Variants in SEMA3A observed in about 807,000 individuals in gnomAD.
SEMA3A encodes semaphorin-3A.
Under a neutral mutation model 97.9 loss-of-function variants are expected in SEMA3A, and 29 were observed. The observed-to-expected ratio is 0.30, with a 90% CI of 0.22 to 0.40. The LOEUF (loss-of-function observed/expected upper bound fraction) is 0.40, where lower values mean the gene tolerates loss of function less well. Among genes scored for constraint, SEMA3A ranks in the 10% least tolerant of loss-of-function variants. The pLI is 1.00. For synonymous variants in SEMA3A, 321 were observed against 323.7 expected (o/e 0.99, Z 0.09); for missense variants, 763 against 951.3 (o/e 0.80, Z 2.60).
In SEMA3A at chr7:84,096,457, C is replaced by T. The variant is rs1162946679; in HGVS notation, c.453+14013G>A. Among the ~76,000 whole-genome samples, 12 of 151,984 alleles carry T rather than the reference C, an allele frequency of 7.9e-5. 1 individual carries two copies. Among genetic ancestry groups the T allele is most frequent in the East Asian group, 1.9e-4 (1 of 5,172 alleles). On this transcript the variant is annotated intron_variant, in intron 4 of 16. Coordinates refer to ENST00000265362, the MANE Select transcript of SEMA3A (RefSeq NM_006080.3). The stretch of plus-strand genomic sequence containing the variant: ...ACCATATATTGTTGAGCTTTGTGTT[C>T]AGTATAGCATTAAGCATAAGTAGTT...
At chr7:84,035,997 C>A (rs765572062) in intron 6 of SEMA3A, among the ~76,000 whole-genome samples, 1 of 152,004 alleles carries the variant, frequency 6.6e-6, no homozygotes, top group Non-Finnish European at 1.5e-5. Context: ...TTGTTTTGAA[C>A]TCTCTTCTAC....
intron 15 of SEMA3A, among the ~76,000 whole-genome samples, chr7:83,968,838 T>TA (rs1788816430): frequency 7.4e-6 from 1 of 134,764 alleles, no homozygotes; most frequent in Admixed American, 8.2e-5. Context: ...GGAGAAAGAG[T>TA]CTCACTCTCT....
At chr7:84,076,351 A>G (rs1562761044) in intron 4 of SEMA3A, among the ~76,000 whole-genome samples, 1 of 152,134 alleles carries the variant, frequency 6.6e-6, no homozygotes, top group Non-Finnish European at 1.5e-5. Flanking sequence ...GCAAAGAGAC[A>G]GAAACCAAGT....
chr7:84,443,876 T>C (rs1231778008), intron 1 of SEMA3A, among the ~76,000 whole-genome samples: 1 of 144,626 alleles, frequency 6.9e-6, no homozygotes, highest in Non-Finnish European at 1.5e-5. Context: ...GATTGTGCTT[T>C]GTCCTTTTTT....
chr7:84,395,771 T>C (rs1311577326), intron 1 of SEMA3A, among the ~76,000 whole-genome samples: 3 of 152,132 alleles, frequency 2.0e-5, no homozygotes, highest in Admixed American at 1.3e-4. Context: ...GCCATGATTG[T>C]AAGTTTCCTG....
intron 3 of SEMA3A, among the ~76,000 whole-genome samples, chr7:84,217,956 G>C (rs1462818172): frequency 6.6e-6 from 1 of 151,760 alleles, no homozygotes; most frequent in Admixed American, 6.6e-5. Context: ...GTGTTGGTAT[G>C]CACCTGTAGT....
At chr7:84,026,962 T>C (rs1180702168) in intron 6 of SEMA3A, among the ~76,000 whole-genome samples, 1 of 151,950 alleles carries the variant, frequency 6.6e-6, no homozygotes, top group Non-Finnish European at 1.5e-5. Context: ...AGTTTACCTA[T>C]AAAGCAAACC....
rs567362404 is a variant in SEMA3A at position 84,349,807 on chromosome 7, T to C, written c.-169+22017A>G. On this transcript the variant is annotated intron_variant, in intron 2 of 3. Transcript: ENST00000424555. ...TTGTCTTAGAATAAGTTATAGGTCTTTTTTTTCCACTTTTTCAGTATAATC... is the reference window on the plus strand; with the variant it reads ...TTGTCTTAGAATAAGTTATAGGTCTCTTTTTTCCACTTTTTCAGTATAATC... Among the ~76,000 whole-genome samples the C allele has an allele frequency of 2.0e-5, 3 of 152,272 alleles. No homozygotes were observed. In the East Asian group the frequency reaches 5.8e-4, roughly 29 times the overall value.
chr7:84,464,673 G>T (rs1231959235), intron 1 of SEMA3A, among the ~76,000 whole-genome samples: 1 of 152,112 alleles, frequency 6.6e-6, no homozygotes, highest in African/African-American at 2.4e-5. Flanking sequence ...AATATGATCT[G>T]TATTTTGTTT....
At chr7:84,323,387 C>A (rs978693384) in intron 2 of SEMA3A, among the ~76,000 whole-genome samples, 4 of 152,072 alleles carry the variant, frequency 2.6e-5, no homozygotes, top group African/African-American at 9.7e-5. Flanking sequence ...TCACTAATCA[C>A]TACATAATCA....
At chr7:83,981,625 G>T in intron 13 of SEMA3A, 147 bp from the exon 14 acceptor site, 1 of 658,320 alleles carries the variant, frequency 1.5e-6, no homozygotes, top group Non-Finnish European at 2.4e-6. Flanking sequence ...TTTCTTTAAA[G>T]GCCTTCTAGA....
chr7:84,241,525 A>G (rs1799364714), intron 3 of SEMA3A, among the ~76,000 whole-genome samples: 1 of 152,108 alleles, frequency 6.6e-6, no homozygotes, highest in African/African-American at 2.4e-5. Context: ...AGATGGATAG[A>G]TCGCAAAAAT....
chr7:84,386,826 C>G (rs1027076842), intron 1 of SEMA3A, among the ~76,000 whole-genome samples: 4 of 151,940 alleles, frequency 2.6e-5, no homozygotes. Context: ...ATGGCGAAAC[C>G]CTGTCTCTAC....
At chr7:84,106,402 G>A (rs1032084071) in intron 4 of SEMA3A, among the ~76,000 whole-genome samples, 3 of 152,082 alleles carry the variant, frequency 2.0e-5, no homozygotes, top group African/African-American at 4.8e-5. Flanking sequence ...GCTCCACCAT[G>A]TAGCCTAGGT....
intron 1 of SEMA3A, among the ~76,000 whole-genome samples, chr7:84,480,623 C>T (rs1806420121): frequency 6.6e-6 from 1 of 152,160 alleles, no homozygotes; most frequent in South Asian, 2.1e-4. Context: ...TGAAGGGCCC[C>T]TTAGCTCCTT....
At chr7:84,435,413 T>A (rs1041822724) in intron 1 of SEMA3A, among the ~76,000 whole-genome samples, 16 of 151,904 alleles carry the variant, frequency 1.1e-4, no homozygotes, top group African/African-American at 3.6e-4. Flanking sequence ...ATCGAGACAA[T>A]CCTGGCCAAC....
In SEMA3A at chr7:83,971,022, G is replaced by A. The variant is rs186804503; in HGVS notation, c.1717+6110C>T. 3.5e-3 allele frequency among the ~76,000 whole-genome samples: 535 copies of A among 152,246 alleles called. 2 individuals are homozygous for A. The highest frequency in any genetic ancestry group is 0.011 in the African/African-American group (476 of 41,562). ...TCCAGTGGCTGGAAAACATTTCAAA[G>A]ATGAGTCAATATCTCTTGAAAATAC... On this transcript the variant is annotated intron_variant, in intron 15 of 16. Coordinates refer to ENST00000265362, the MANE Select transcript of SEMA3A (RefSeq NM_006080.3).
At chr7:84,237,400 T>C (rs1046394503) in intron 3 of SEMA3A, among the ~76,000 whole-genome samples, 9 of 151,926 alleles carry the variant, frequency 5.9e-5, no homozygotes, top group East Asian at 1.9e-4. Context: ...ATACAAGACA[T>C]AGTATTAGGG....
In SEMA3A at chr7:84,405,108, T is replaced by G. The variant is rs374409246; in HGVS notation, c.-245-33208A>C. Among the ~76,000 whole-genome samples, 35 of 152,092 alleles carry G rather than the reference T, an allele frequency of 2.3e-4. 1 individual carries two copies. In the East Asian group the frequency reaches 6.2e-3, roughly 27 times the overall value. On this transcript the variant is annotated intron_variant, in intron 1 of 3. Transcript: ENST00000424555. ...AAAAGGCACATAGTGGCAAATTGGA[T>G]AAAGGGTCAAGACCCATCAGTGTGC...
Sources: allele counts gnomAD v4.1 joint callset (sites outside exome capture counted in the v4.1 genomes callset), GRCh38; gene constraint gnomAD v4.1.1; transcripts MANE v1.5; gene names NCBI Gene and HGNC (gene_info 2026-07-23, HGNC 2026-07-21).